Variants in TLL2 observed in about 807,000 individuals in gnomAD.
TLL2 encodes the protein tolloid like 2, also known as tolloid-like protein 2.
A neutral mutation model predicts 123.0 loss-of-function variants in TLL2; 106 were observed. That is an observed-to-expected ratio of 0.86 (90% CI 0.74 to 1.01). The LOEUF (loss-of-function observed/expected upper bound fraction) is 1.01, where lower values mean the gene tolerates loss of function less well. Among genes scored for constraint, TLL2 ranks in the 50% least tolerant of loss-of-function variants. The pLI, the probability that TLL2 is intolerant of heterozygous loss-of-function variation, is 0.00. For synonymous variants in TLL2, 494 were observed against 516.8 expected, an observed-to-expected ratio of 0.96 and a Z score of 0.60; for missense variants, 1,332 against 1,336.7, an observed-to-expected ratio of 1.00 and a Z score of 0.06.
chr10:96,432,795 G>C lies in TLL2; in HGVS notation c.520+12C>G. On this transcript the variant is annotated intron_variant, in intron 4 of 20. Transcript: ENST00000357947. ...CCCTGACCCAAAGCAGACCTTGTCT[G>C]TGGCTACTGACCAGTGAAGTTCCCT... 1 of 1,611,986 alleles carries C rather than the reference G, an allele frequency of 6.2e-7. No homozygotes were observed. The highest frequency in any genetic ancestry group is 8.5e-7 in the Non-Finnish European group (1 of 1,178,396).
chr10:96,425,222 G>A lies in TLL2; in HGVS notation c.639-2495C>T, dbSNP rs892593757. On this transcript the variant is annotated intron_variant, in intron 5 of 20. Transcript: ENST00000357947. ...TGCATTTTAATATTCTGCATGTTTG[G>A]TTAGACCATTAGATAGCTACCTCTG... Among the ~76,000 whole-genome samples, 5 of 149,222 alleles carry A rather than the reference G, an allele frequency of 3.4e-5. No homozygotes were observed. In the South Asian group the frequency reaches 1.1e-3, roughly 32 times the overall value.
intron 2 of TLL2, among the ~76,000 whole-genome samples, chr10:96,463,166 G>A (rs943400590): frequency 6.6e-5 from 10 of 152,200 alleles, no homozygotes; most frequent in African/African-American, 1.2e-4. Context: ...AGAGGTGTTC[G>A]ATTTGATGGG....
chr10:96,491,355 C>T (rs1201220521), intron 1 of TLL2, among the ~76,000 whole-genome samples: 1 of 147,822 alleles, frequency 6.8e-6, no homozygotes, highest in African/African-American at 2.5e-5. Context: ...GCACTCTAGC[C>T]TGAGCAACAA....
chr10:96,469,952 C>A (rs896660753), intron 2 of TLL2, among the ~76,000 whole-genome samples: 5 of 151,988 alleles, frequency 3.3e-5, no homozygotes, highest in Non-Finnish European at 7.4e-5. Flanking sequence ...AAGTTCTGAC[C>A]GGTGGGAGCC....
intron 6 of TLL2, among the ~76,000 whole-genome samples, chr10:96,422,269 T>A (rs1203722539): frequency 6.6e-6 from 1 of 151,960 alleles, no homozygotes; most frequent in Non-Finnish European, 1.5e-5. Context: ...GTCGACTGTG[T>A]TCCTTTCAGG....
rs1452575940 is a variant in TLL2, at chr10:96,513,810, C to T, written c.-125G>A. ...TCGGTGGTTACACAGGGCTGCTGGG[C>T]ATGGCTCAGGCGCGGAGCAAGCGGA... On this transcript the variant is annotated 5_prime_UTR_variant, in exon 1 of 21. It removes an upstream start codon present in the reference 5' UTR. Transcript: ENST00000357947. 3 of 1,057,522 alleles carry T rather than the reference C, an allele frequency of 2.8e-6. No individual in the cohort carries two copies. The highest frequency in any genetic ancestry group is 3.8e-6 in the Non-Finnish European group (3 of 786,470). The allele number at this position is 1,057,522 out of a possible 1,614,324, so 65.5% of individuals were successfully genotyped here.
intron 2 of TLL2, among the ~76,000 whole-genome samples, chr10:96,467,566 A>C (rs1384493022): frequency 6.6e-6 from 1 of 152,120 alleles, no homozygotes; most frequent in Non-Finnish European, 1.5e-5. Context: ...ACAAGAATTC[A>C]CCACAGTGTT....
chr10:96,509,802 C>A (rs1030760505), intron 1 of TLL2, among the ~76,000 whole-genome samples: 2 of 152,164 alleles, frequency 1.3e-5, no homozygotes, highest in African/African-American at 4.8e-5. Context: ...AAAAAAATAG[C>A]TGGGCATAGT....
chr10:96,419,979 G>T (rs1416608403), intron 7 of TLL2, among the ~76,000 whole-genome samples: 4 of 152,170 alleles, frequency 2.6e-5, no homozygotes, highest in African/African-American at 9.7e-5. Flanking sequence ...ATATAACTCT[G>T]AGCACTAAAC....
At chr10:96,401,330 C>G (rs2134065547) in intron 10 of TLL2, among the ~76,000 whole-genome samples, 1 of 152,320 alleles carries the variant, frequency 6.6e-6, no homozygotes, top group Non-Finnish European at 1.5e-5. Context: ...CCTGCCTCCT[C>G]CCAGCAGATT....
rs79356719 is a variant in TLL2 at position 96,511,785 on chromosome 10, A to G, written c.175+1726T>C. 3.5e-3 allele frequency among the ~76,000 whole-genome samples: 536 copies of G among 152,338 alleles called. 1 individual carries two copies. Among genetic ancestry groups the G allele is most frequent in the Non-Finnish European group, 4.3e-3 (290 of 68,034 alleles). On this transcript the variant is annotated intron_variant, in intron 1 of 20. Coordinates refer to ENST00000357947, the MANE Select transcript of TLL2 (RefSeq NM_012465.4). The stretch of plus-strand genomic sequence containing the variant: ...CAATCACTTCCCCACTCCGGGCCTC[A>G]GCGGCCCACACTGCCTCCCAGAGTC...
At chr10:96,442,426 C>T (rs972171621) in intron 3 of TLL2, among the ~76,000 whole-genome samples, 3 of 152,170 alleles carry the variant, frequency 2.0e-5, no homozygotes, top group Admixed American at 6.5e-5. Context: ...GCGCTGGCGC[C>T]GACAGCATCC....
Position 96,398,868 on chromosome 10 carries a change from C to CTTTT in TLL2, c.1268-1570_1268-1567dup, listed in dbSNP as rs3033618. Reference sequence around the variant, plus strand: ...CTTCTTTTGGAGTGATGAAAATATTCTTTTTTTTTTTTTTTTTTTTTGAGA... The same window carrying CTTTT: ...CTTCTTTTGGAGTGATGAAAATATTCTTTTTTTTTTTTTTTTTTTTTTTTTGAGA... On this transcript the variant is annotated intron_variant, in intron 10 of 20. Coordinates refer to ENST00000357947, the MANE Select transcript of TLL2 (RefSeq NM_012465.4). Among the ~76,000 whole-genome samples the CTTTT allele has an allele frequency of 3.1e-3, 330 of 107,668 alleles. 2 individuals carry two copies. Among genetic ancestry groups the CTTTT allele is most frequent in the Non-Finnish European group, 4.3e-3 (239 of 55,216 alleles). 70.6% of individuals were successfully genotyped at this position (107,668 alleles called of 152,430 possible). A position where few individuals can be genotyped will look rare whatever the true frequency, so the allele number is the denominator to read the frequency against.
chr10:96,442,353 A>C (rs1189827541), intron 3 of TLL2, among the ~76,000 whole-genome samples: 3 of 152,306 alleles, frequency 2.0e-5, no homozygotes, highest in African/African-American at 7.2e-5. Flanking sequence ...TTGTGATTAA[A>C]GGGAACCTGA....
chr10:96,402,208 T>C (rs918273943), intron 10 of TLL2, among the ~76,000 whole-genome samples: 6 of 152,202 alleles, frequency 3.9e-5, no homozygotes, highest in Non-Finnish European at 8.8e-5. Flanking sequence ...AATGGAGAAG[T>C]ATACAAAACA....
At chr10:96,506,030 G>T (rs1847574668) in intron 1 of TLL2, among the ~76,000 whole-genome samples, 1 of 151,864 alleles carries the variant, frequency 6.6e-6, no homozygotes, top group African/African-American at 2.4e-5. Context: ...GAGGCGGGTG[G>T]ATCATGAAGT....
At chr10:96,376,616 G>T in intron 18 of TLL2, 76 bp downstream of exon 18, 1 of 1,512,218 alleles carries the variant, frequency 6.6e-7, no homozygotes, top group Non-Finnish European at 9.0e-7. Context: ...GCTGGGAAGT[G>T]GCAGAGCAGA....
At chr10:96,478,378 C>A (rs147230544) in intron 2 of TLL2, among the ~76,000 whole-genome samples, 1 of 152,330 alleles carries the variant, frequency 6.6e-6, no homozygotes, top group Non-Finnish European at 1.5e-5. Flanking sequence ...TGAGTATGCA[C>A]CCACTTAGAG....
At chr10:96,464,834 G>A (rs1038755602) in intron 2 of TLL2, among the ~76,000 whole-genome samples, 1 of 152,196 alleles carries the variant, frequency 6.6e-6, no homozygotes, top group African/African-American at 2.4e-5. Flanking sequence ...TATACAGTTT[G>A]AGGACTGAAC....
Sources: gnomAD v4.1 joint callset for allele counts (sites outside exome capture counted in the v4.1 genomes callset) on GRCh38, gnomAD v4.1.1 for gene constraint, MANE v1.5 for transcripts, NCBI Gene and HGNC (gene_info 2026-07-23, HGNC 2026-07-21) for gene names.